DLK1: variants seen among roughly 807,000 people sequenced by gnomAD.
DLK1 encodes protein delta homolog 1.
DLK1 carries 9 observed loss-of-function variants against 35.2 expected under a neutral mutation model. The observed-to-expected ratio is 0.26, with a 90% CI of 0.15 to 0.45. DLK1 has a LOEUF of 0.45. DLK1 is among the 20% of genes least tolerant of loss of function. The probability of loss-of-function intolerance (pLI) is 1.00; values close to 1 mark genes in which losing one functional copy is unlikely to be tolerated. For missense variants in DLK1, 522 were observed against 528.5 expected, an observed-to-expected ratio of 0.99 and a Z score of 0.12; for synonymous variants, 231 against 228.4, an observed-to-expected ratio of 1.01 and a Z score of -0.10.
intron 3 of DLK1, among the ~76,000 whole-genome samples, chr14:100,729,721 T>G (rs544922551): frequency 9.1e-4 from 138 of 152,372 alleles, no homozygotes; most frequent in African/African-American, 3.2e-3. Context: ...AATTGAGAGT[T>G]GGCTGTCACT....
intron 1 of DLK1, 114 bp downstream of exon 1, chr14:100,727,249 C>T (rs994643449): frequency 1.3e-5 from 15 of 1,132,992 alleles, no homozygotes; most frequent in Middle Eastern, 2.8e-4. Context: ...GCCCGTCCCG[C>T]CTAGCCCTAA....
intron 4 of DLK1, among the ~76,000 whole-genome samples, chr14:100,733,557 T>A (rs1197126935): frequency 2.6e-5 from 4 of 151,822 alleles, no homozygotes; most frequent in Non-Finnish European, 5.9e-5. Flanking sequence ...CAATAGCCTG[T>A]GGATCCACAC....
intron 1 of DLK1, among the ~76,000 whole-genome samples, chr14:100,727,403 G>A (rs1567020005): frequency 6.6e-6 from 1 of 152,222 alleles, no homozygotes; most frequent in Non-Finnish European, 1.5e-5. Context: ...TCGGTGCGCT[G>A]AGCAAGGAGG....
Position 100,735,232 on chromosome 14 carries a change from T to G in DLK1, c.*336T>G. On this transcript the variant is annotated 3_prime_UTR_variant, in exon 5 of 5. Coordinates refer to ENST00000341267, the MANE Select transcript of DLK1 (RefSeq NM_003836.7). ...AACCAGGGCTCAGTGCCGACGCCCC[T>G]ACCCTGGGGGTCTCGGCCACATGGT... is the stretch of plus-strand genomic sequence containing the variant. 1.4e-5 allele frequency: 3 copies of G among 206,996 alleles called. No individual in the cohort carries two copies. The highest frequency in any genetic ancestry group is 2.9e-5 in the Non-Finnish European group (3 of 104,794). The allele number at this position is 206,996 out of a possible 1,614,324, so 12.8% of individuals were successfully genotyped here. A position where few individuals can be genotyped will look rare whatever the true frequency, so the allele number is the denominator to read the frequency against.
In DLK1 at chr14:100,732,098, G is replaced by C; in HGVS notation, c.319G>C (p.Asp107His). Residue 107 changes from aspartate (D) to histidine (H), a missense_variant, in exon 4 of 5, where the codon GAC becomes CAC. Asp to His is a moderately conservative substitution (Grantham distance 81, BLOSUM62 -1). Coordinates refer to ENST00000341267, the MANE Select transcript of DLK1 (RefSeq NM_003836.7). ...CANNRTCVSL[D>H]DGLYECSCAP... ...CAACAACAGGACCTGCGTGAGCCTG[G>C]ACGATGGCCTCTATGAATGCTCCTG... The C allele has an allele frequency of 6.2e-7, 1 of 1,614,006 alleles. No homozygotes were observed. Among genetic ancestry groups the C allele is most frequent in the Non-Finnish European group, 8.5e-7 (1 of 1,179,860 alleles).
chr14:100,727,002 AGT>A lies in DLK1; in HGVS notation c.-65_-64del, dbSNP rs1455882103. 1.4e-6 allele frequency: 2 copies of A among 1,448,248 alleles called. No homozygotes were observed. The highest frequency in any genetic ancestry group is 1.8e-6 in the Non-Finnish European group (2 of 1,095,048). The allele number at this position is 1,448,248 out of a possible 1,614,324, so 89.7% of individuals were successfully genotyped here. A position where few individuals can be genotyped will look rare whatever the true frequency, so the allele number is the denominator to read the frequency against. Reference sequence around the variant, plus strand: ...CTTTCGCGTCCGCAACCAGAAGCCCAGTGCGGCGCCAGGAGCCGGACCCGCGC... The same window carrying A: ...CTTTCGCGTCCGCAACCAGAAGCCCAGCGGCGCCAGGAGCCGGACCCGCGC... On this transcript the variant is annotated 5_prime_UTR_variant, in exon 1 of 5. Transcript: ENST00000341267.
chr14:100,734,160 A>G lies in DLK1; in HGVS notation c.416A>G (p.Gln139Arg), dbSNP rs1414815005. The part of the protein sequence containing the change: ...GPCVINGSPC[Q>R]HGGTCVDDEG... The stretch of plus-strand genomic sequence containing the variant: ...CTGTTGTGTTGCAGCTCCCCCTGCC[A>G]GCACGGAGGCACCTGCGTGGATGAT... Residue 139 changes from glutamine (Q) to arginine (R), a missense_variant, in exon 5 of 5, where the codon CAG (glutamine) becomes CGG (arginine). Physicochemically the swap from Gln to Arg is conservative, Grantham distance 43 (BLOSUM62 1). Transcript: ENST00000341267. This position sits in a 1 kb window ranked among gnomAD's most constrained non-coding sequence, Gnocchi z 7.4. 6.2e-7 allele frequency: 1 copy of G among 1,606,082 alleles called. No individual in the cohort carries two copies. The highest frequency in any genetic ancestry group is 2.2e-5 in the East Asian group (1 of 44,812).
rs143497511 is a variant in DLK1 at position 100,727,093 on chromosome 14, C to G, written c.25C>G (p.Arg9Gly). The G allele has an allele frequency of 1.1e-4, 181 of 1,593,644 alleles. 1 individual carries two copies. Among genetic ancestry groups the G allele is most frequent in the Non-Finnish European group, 1.5e-4 (173 of 1,171,326 alleles). The part of the protein sequence containing the change: MTATEALL[R>G]VLLLLLAFGH... ...GATGACCGCGACCGAAGCCCTCCTG[C>G]GCGTCCTCTTGCTCCTGCTGGCTTT... Residue 9 changes from arginine to glycine, a missense_variant, in exon 1 of 5, where the codon CGC (arginine) becomes GGC (glycine). Arg to Gly is a moderately radical substitution (Grantham distance 125, BLOSUM62 -2). Transcript: ENST00000341267.
rs1380915043 is a variant in DLK1, at chr14:100,728,991, T to G, written c.187T>G (p.Cys63Gly). 6.2e-7 allele frequency: 1 copy of G among 1,614,142 alleles called. No individual in the cohort carries two copies. The highest frequency in any genetic ancestry group is 8.5e-7 in the Non-Finnish European group (1 of 1,180,034). ...TGACCAGTGCGTGACCTCTCCCGGC[T>G]GCCTTCACGGACTCTGTGGAGAACC... is the stretch of plus-strand genomic sequence containing the variant. ...LCDQCVTSPG[C>G]LHGLCGEPGQ... The change falls in exon 3 of 5, where the codon TGC becomes GGC. Residue 63 changes from cysteine to glycine, a missense_variant. Transcript: ENST00000341267.
chr14:100,733,848 G>A (rs1411746708), intron 4 of DLK1, among the ~76,000 whole-genome samples: 1 of 152,146 alleles, frequency 6.6e-6, no homozygotes, highest in Non-Finnish European at 1.5e-5. Context: ...GAGGACGTGG[G>A]CATCCTGGCA....
Position 100,734,900 on chromosome 14 carries a change from G to A in DLK1, c.*4G>A. The A allele has an allele frequency of 6.4e-7, 1 of 1,568,414 alleles. No homozygotes were observed. The highest frequency in any genetic ancestry group is 1.4e-5 in the African/African-American group (1 of 74,060). ...GGCCGGCGACGAGGAGATCTAAGCA[G>A]CGTTCCCACAGCCCCCTCTAGATTC... is the stretch of plus-strand genomic sequence containing the variant. On this transcript the variant is annotated 3_prime_UTR_variant, in exon 5 of 5. Transcript: ENST00000341267. The surrounding 1 kb of genome is among the most constrained non-coding windows in gnomAD (Gnocchi z 7.4).
chr14:100,732,314 G>A (rs1459212719), intron 4 of DLK1, 131 bp downstream of exon 4: 6 of 1,379,530 alleles, frequency 4.3e-6, no homozygotes, highest in South Asian at 3.0e-5. Flanking sequence ...TGGCAGCCCC[G>A]TAGGGGACCG....
At position 100,728,479 on chromosome 14, in the gene DLK1, G is replaced by T; in HGVS notation, c.131+20G>T. On this transcript the variant is annotated intron_variant, in intron 2 of 4. Coordinates refer to ENST00000341267, the MANE Select transcript of DLK1 (RefSeq NM_003836.7). Reference sequence around the variant, plus strand: ...TTGCAGGTAATAGAGTGGCTCCTCAGAGGCAGCTTGTAGGGGCCACGCAGA... The same window carrying T: ...TTGCAGGTAATAGAGTGGCTCCTCATAGGCAGCTTGTAGGGGCCACGCAGA... The T allele has an allele frequency of 2.5e-6, 4 of 1,613,882 alleles. 1 individual carries two copies. The East Asian group carries it at 8.9e-5, about 36-fold the overall frequency.
chr14:100,734,867 A>G lies in DLK1; in HGVS notation c.1123A>G (p.Ser375Gly). ...FPEKIDMTTF[S>G]KEAGDEEI The stretch of plus-strand genomic sequence containing the variant: ...CGAGAAGATCGACATGACCACCTTC[A>G]GCAAGGAGGCCGGCGACGAGGAGAT... Residue 375 changes from serine (S) to glycine (G), a missense_variant, in exon 5 of 5, where the codon AGC becomes GGC. Physicochemically the swap from Ser to Gly is moderately conservative, Grantham distance 56 (BLOSUM62 0). Transcript: ENST00000341267. This position sits in a 1 kb window ranked among gnomAD's most constrained non-coding sequence, Gnocchi z 7.4. 1 of 1,601,732 alleles carries G rather than the reference A, an allele frequency of 6.2e-7. No homozygotes were observed. The highest frequency in any genetic ancestry group is 8.5e-7 in the Non-Finnish European group (1 of 1,174,424).
chr14:100,731,249 G>C (rs1035885625), intron 3 of DLK1, among the ~76,000 whole-genome samples: 1 of 152,150 alleles, frequency 6.6e-6, no homozygotes, highest in African/African-American at 2.4e-5. Flanking sequence ...GAGAGCCCCT[G>C]ACTCAGGCCC....
rs974438803 is a variant in DLK1, at chr14:100,733,306, G to T, written c.405-843G>T. ...CCTGAAGCAGCAGTGCTGATTTCTT[G>T]TGTTTACTGCCCCTTCTTCCCCGGA... On this transcript the variant is annotated intron_variant, in intron 4 of 4. Coordinates refer to ENST00000341267, the MANE Select transcript of DLK1 (RefSeq NM_003836.7). Among the ~76,000 whole-genome samples, 75 of 152,184 alleles carry T rather than the reference G, an allele frequency of 4.9e-4. 1 individual carries two copies. The highest frequency in any genetic ancestry group is 2.6e-4 in the Admixed American group (4 of 15,276).
At position 100,735,498 on chromosome 14, in the gene DLK1, A is replaced by G. The variant is rs929364488; in HGVS notation, c.*602A>G. ...GGGCCTCTGTGCCAGCCCTGCCACT[A>G]ACTCGCTGTGTGATCCTTGGCGAGT... On this transcript the variant is annotated 3_prime_UTR_variant, in exon 5 of 5. Coordinates refer to ENST00000341267, the MANE Select transcript of DLK1 (RefSeq NM_003836.7). The G allele has an allele frequency of 6.6e-6, 1 of 152,190 alleles. No homozygotes were observed. The highest frequency in any genetic ancestry group is 2.4e-5 in the African/African-American group (1 of 41,430). 9.4% of individuals were successfully genotyped at this position (152,190 alleles called of 1,614,324 possible). A position where few individuals can be genotyped will look rare whatever the true frequency, so the allele number is the denominator to read the frequency against.
intron 3 of DLK1, among the ~76,000 whole-genome samples, chr14:100,731,116 A>G (rs1453610957): frequency 6.6e-6 from 1 of 152,158 alleles, no homozygotes; most frequent in Non-Finnish European, 1.5e-5. Flanking sequence ...TTTTATAAGT[A>G]GGGAAACTGA....
rs1267360192 is a variant in DLK1, at chr14:100,736,501, G to T, written c.*1605G>T. The T allele has an allele frequency of 6.6e-6, 1 of 151,620 alleles. No homozygotes were observed. Among genetic ancestry groups the T allele is most frequent in the South Asian group, 2.1e-4 (1 of 4,802 alleles). 9.4% of individuals were successfully genotyped at this position (151,620 alleles called of 1,614,324 possible). A position where few individuals can be genotyped will look rare whatever the true frequency, so the allele number is the denominator to read the frequency against. ...TGCGCCATCGTCATGACACAATATC[G>T]ACCTCATCACCTCATCGTCCTCCAG... On this transcript the variant is annotated 3_prime_UTR_variant, in exon 5 of 5. Coordinates refer to ENST00000341267, the MANE Select transcript of DLK1 (RefSeq NM_003836.7).
Sources: gnomAD v4.1 joint callset for allele counts (sites outside exome capture counted in the v4.1 genomes callset) on GRCh38, gnomAD v4.1.1 for gene constraint, Gnocchi (gnomAD v3.1) non-coding constraint, MANE v1.5 for transcripts, NCBI Gene and HGNC (gene_info 2026-07-23, HGNC 2026-07-21) for gene names.